The following PC variants were observed in gnomAD, a reference collection of about 807,000 sequenced individuals.
PC encodes pyruvate carboxylase, also known as pyruvate carboxylase, mitochondrial.
PC carries 46 observed loss-of-function variants against 107.8 expected under a neutral mutation model. That is an observed-to-expected ratio of 0.43 (90% CI 0.34 to 0.55). The LOEUF is 0.55. Among genes scored for constraint, PC ranks in the 20% least tolerant of loss-of-function variants. The pLI, the probability that PC is intolerant of heterozygous loss-of-function variation, is 0.04. For synonymous variants in PC, 662 were observed against 684.7 expected, an observed-to-expected ratio of 0.97 and a Z score of 0.52; for missense variants, 1,241 against 1,643.1, an observed-to-expected ratio of 0.76 and a Z score of 4.23.
intron 1 of PC, among the ~76,000 whole-genome samples, chr11:66,956,175 G>C (rs1345606057): frequency 6.6e-6 from 1 of 152,168 alleles, no homozygotes; most frequent in Non-Finnish European, 1.5e-5. Flanking sequence ...TACATCTCCT[G>C]TAGAGGCCTC....
At chr11:66,921,025 CAAA>C (rs529029813) in intron 3 of PC, among the ~76,000 whole-genome samples, 6 of 104,102 alleles carry the variant, frequency 5.8e-5, no homozygotes, top group Admixed American at 1.1e-4. Flanking sequence ...GACTCCGTCT[CAAA>C]AAAAAAAAAA....
chr11:66,922,674 T>C (rs987234612), intron 3 of PC, among the ~76,000 whole-genome samples: 3 of 151,552 alleles, frequency 2.0e-5, no homozygotes, highest in African/African-American at 7.3e-5. Flanking sequence ...CTCCACTCTT[T>C]CATTTCTGTC....
intron 12 of PC, chr11:66,860,315 G>A (rs1051798895): frequency 1.4e-6 from 2 of 1,400,906 alleles, no homozygotes; most frequent in South Asian, 2.5e-5. Flanking sequence ...AGGCTCCCCT[G>A]TGTACTTGGA....
rs1375730538 is a variant in PC at position 66,870,922 on chromosome 11, C to A, written c.634-30G>T. 1 of 1,607,516 alleles carries A rather than the reference C, an allele frequency of 6.2e-7. No homozygotes were observed. The highest frequency in any genetic ancestry group is 8.5e-7 in the Non-Finnish European group (1 of 1,176,762). ...GAGGGCGGGCAGGGGCCAGCCAGAC[C>A]TCAGACCCCACAGCGCTACCTCTCC... is the stretch of plus-strand genomic sequence containing the variant. On this transcript the variant is annotated intron_variant, in intron 7 of 22. Transcript: ENST00000393960. The surrounding 1 kb of genome is among the most constrained non-coding windows in gnomAD (Gnocchi z 6.1).
intron 10 of PC, among the ~76,000 whole-genome samples, chr11:66,867,380 T>G (rs1314886704): frequency 2.0e-5 from 3 of 152,130 alleles, no homozygotes; most frequent in Non-Finnish European, 2.9e-5. Flanking sequence ...AGCAAGACTA[T>G]GTCTTAAAAA....
Position 66,852,549 on chromosome 11 carries a change from T to C in PC, c.1715A>G (p.Asp572Gly), listed in dbSNP as rs1396720431. The C allele has an allele frequency of 6.2e-7, 1 of 1,613,912 alleles. No individual in the cohort carries two copies. The highest frequency in any genetic ancestry group is 8.5e-7 in the Non-Finnish European group (1 of 1,179,974). ...AGTGGCCAGCAGTGACTGGTGGGCGTCCCTGAAGGTCGTGTCCATCAGCAG... is the reference window on the plus strand; with the variant it reads ...AGTGGCCAGCAGTGACTGGTGGGCGCCCCTGAAGGTCGTGTCCATCAGCAG... Reference protein sequence around the residue: ...GLLLMDTTFRDAHQSLLATRV... With the variant: ...GLLLMDTTFRGAHQSLLATRV... Residue 572 changes from aspartate to glycine, a missense_variant, in exon 15 of 23, where the codon GAC becomes GGC. Asp to Gly is a moderately conservative substitution (Grantham distance 94). Around this residue, in one of 2 missense-constraint regions of PC, gnomAD observed 1,143 missense variants for 1,551.9 expected, o/e 0.74. Transcript: ENST00000393960. The surrounding 1 kb of genome is among the most constrained non-coding windows in gnomAD (Gnocchi z 4.7).
intron 3 of PC, among the ~76,000 whole-genome samples, chr11:66,889,411 C>T (rs1414766381): frequency 6.6e-6 from 1 of 152,070 alleles, no homozygotes; most frequent in African/African-American, 2.4e-5. Context: ...CACTCTGTCA[C>T]CCAGGCTGGA....
At chr11:66,867,751 A>G (rs1042738951) in intron 10 of PC, among the ~76,000 whole-genome samples, 2 of 152,336 alleles carry the variant, frequency 1.3e-5, no homozygotes, top group East Asian at 1.9e-4. Context: ...CTCTAAGCAG[A>G]CCCAAGACCG....
At chr11:66,934,007 T>C (rs1454430628) in intron 3 of PC, among the ~76,000 whole-genome samples, 1 of 152,158 alleles carries the variant, frequency 6.6e-6, no homozygotes, top group Non-Finnish European at 1.5e-5. Context: ...TCCACAGTGA[T>C]CAATGCAGGC....
At chr11:66,935,654 A>G (rs184531282) in intron 3 of PC, among the ~76,000 whole-genome samples, 52 of 152,328 alleles carry the variant, frequency 3.4e-4, no homozygotes, top group Middle Eastern at 6.8e-3. Context: ...TCAGGCCAGA[A>G]TCTGGTTTGC....
At chr11:66,907,989 T>C (rs1401373829) in intron 3 of PC, 1 of 152,302 alleles carries the variant, frequency 6.6e-6, no homozygotes. Context: ...GAGAGGCTGC[T>C]TGGGAGCCAA....
At chr11:66,938,715 T>C (rs1048891487) in intron 3 of PC, among the ~76,000 whole-genome samples, 4 of 152,184 alleles carry the variant, frequency 2.6e-5, no homozygotes, top group Admixed American at 1.3e-4. Context: ...TTATAATATA[T>C]ATTTTTTGTG....
intron 3 of PC, among the ~76,000 whole-genome samples, chr11:66,949,632 A>G (rs1949391295): frequency 3.3e-5 from 5 of 152,110 alleles, no homozygotes; most frequent in Admixed American, 3.3e-4. Context: ...CGGAGGTTGC[A>G]GTGAGCCGAG....
chr11:66,940,327 T>C (rs934294165), intron 3 of PC, among the ~76,000 whole-genome samples: 6 of 151,638 alleles, frequency 4.0e-5, no homozygotes, highest in Non-Finnish European at 8.8e-5. Flanking sequence ...GTCTCCCTGG[T>C]AGTTGGGACC....
chr11:66,937,560 A>C (rs1185360769), intron 3 of PC, among the ~76,000 whole-genome samples: 1 of 151,268 alleles, frequency 6.6e-6, no homozygotes, highest in Non-Finnish European at 1.5e-5. Flanking sequence ...TCCTTCTGGG[A>C]CTCTCATGAT....
intron 3 of PC, among the ~76,000 whole-genome samples, chr11:66,877,866 T>C (rs1009464558): frequency 6.6e-5 from 10 of 152,182 alleles, no homozygotes; most frequent in African/African-American, 2.4e-4. Flanking sequence ...GCAACAACTG[T>C]AGGACTGCTT....
chr11:66,925,446 T>C (rs952552355), intron 3 of PC, among the ~76,000 whole-genome samples: 1 of 152,172 alleles, frequency 6.6e-6, no homozygotes, highest in Non-Finnish European at 1.5e-5. Flanking sequence ...ATTTCTCCCA[T>C]TTGCTTTTGA....
At chr11:66,943,277 G>A (rs1181209854) in intron 3 of PC, among the ~76,000 whole-genome samples, 2 of 150,648 alleles carry the variant, frequency 1.3e-5, no homozygotes, top group Non-Finnish European at 3.0e-5. Context: ...CCCAGGAGTC[G>A]GAGGAAAAAA....
intron 2 of PC, among the ~76,000 whole-genome samples, chr11:66,953,162 CAAG>C (rs535692776): frequency 3.7e-3 from 560 of 152,324 alleles, no homozygotes; most frequent in Non-Finnish European, 6.4e-3. Context: ...TACACATGAA[CAAG>C]AAGTTCTAGA....
Sources: gnomAD v4.1 joint callset for allele counts (sites outside exome capture counted in the v4.1 genomes callset) on GRCh38, gnomAD v4.1.1 for gene constraint, gnomAD v4.1.1 regional missense constraint, Gnocchi (gnomAD v3.1) non-coding constraint, MANE v1.5 for transcripts, NCBI Gene and HGNC (gene_info 2026-07-23, HGNC 2026-07-21) for gene names.